METAP1: variants seen among roughly 807,000 people sequenced by gnomAD.
The protein encoded by METAP1 is methionyl aminopeptidase 1, also known as methionine aminopeptidase 1.
METAP1 carries 28 observed loss-of-function variants against 53.8 expected under a neutral mutation model. The ratio of observed to expected loss-of-function variants is 0.52; its 90% CI spans 0.39 to 0.71. The LOEUF is 0.71. METAP1 is among the 30% of genes least tolerant of loss of function. The probability of loss-of-function intolerance (pLI) is 0.00; values close to 1 mark genes in which losing one functional copy is unlikely to be tolerated. For synonymous variants in METAP1, 181 were observed against 165.7 expected (o/e 1.09, Z -0.71); for missense variants, 389 against 479.8 (o/e 0.81, Z 1.77).
chr4:98,996,606 G>C (rs549263281), intron 1 of METAP1, among the ~76,000 whole-genome samples: 1 of 152,336 alleles, frequency 6.6e-6, no homozygotes, highest in South Asian at 2.1e-4. Context: ...GAGTGAAAAG[G>C]ACAGTTCCAT....
At chr4:99,043,466 T>C in intron 7 of METAP1, 79 bp downstream of exon 7, 8 of 1,419,978 alleles carry the variant, frequency 5.6e-6, no homozygotes, top group Non-Finnish European at 7.6e-6. Flanking sequence ...ACTTGTGTTT[T>C]CTTGACTTGC....
rs1727579472 is a variant in METAP1 at position 99,062,118 on chromosome 4, A to G, written c.*801A>G. The G allele has an allele frequency of 6.6e-6, 1 of 152,256 alleles. No individual in the cohort carries two copies. Among genetic ancestry groups the G allele is most frequent in the South Asian group, 2.1e-4 (1 of 4,832 alleles). 9.4% of individuals were successfully genotyped at this position (152,256 alleles called of 1,614,324 possible). ...TGCTATTTCAGACCTCTGTTTGGTC[A>G]GAAATGGAAAAGAAAAAGCCCCCTT... On this transcript the variant is annotated 3_prime_UTR_variant, in exon 11 of 11. Transcript: ENST00000296411.
chr4:99,014,620 G>A (rs1723650349), intron 1 of METAP1, among the ~76,000 whole-genome samples: 1 of 152,146 alleles, frequency 6.6e-6, no homozygotes, highest in Admixed American at 6.5e-5. Flanking sequence ...GTGGATATGA[G>A]GATCAAAGGA....
chr4:99,039,199 C>T, intron 4 of METAP1, 175 bp from the exon 5 acceptor site: 1 of 444,910 alleles, frequency 2.2e-6, no homozygotes, highest in East Asian at 3.6e-5. Context: ...GCGAGTTTCC[C>T]TTTGATGTTG....
intron 4 of METAP1, among the ~76,000 whole-genome samples, chr4:99,038,773 G>A (rs938409339): frequency 2.6e-5 from 4 of 151,986 alleles, no homozygotes; most frequent in African/African-American, 4.8e-5. Context: ...CTTTTATAAC[G>A]TGATCTTTGT....
chr4:99,049,047 T>G (rs1303874635), intron 9 of METAP1, among the ~76,000 whole-genome samples, 171 bp downstream of exon 9: 2 of 152,232 alleles, frequency 1.3e-5, no homozygotes, highest in Admixed American at 1.3e-4. Context: ...CGTATCTTAC[T>G]CACATAATAG....
chr4:99,062,553 A>G lies in METAP1; in HGVS notation c.*1236A>G, dbSNP rs552708405. On this transcript the variant is annotated 3_prime_UTR_variant, in exon 11 of 11. Transcript: ENST00000296411. ...CTGGGCATCCTTGTAATATAATTTC[A>G]TACCACTGACACATTATACTTGTAA... 4.4e-4 allele frequency: 67 copies of G among 152,782 alleles called. No homozygotes were observed. Among genetic ancestry groups the G allele is most frequent in the African/African-American group, 1.5e-3 (63 of 41,584 alleles). The allele number at this position is 152,782 out of a possible 1,614,324, so 9.5% of individuals were successfully genotyped here. A position where few individuals can be genotyped will look rare whatever the true frequency, so the allele number is the denominator to read the frequency against.
At chr4:99,034,136 T>G in intron 2 of METAP1, 94 bp from the exon 3 acceptor site, 1 of 761,096 alleles carries the variant, frequency 1.3e-6, no homozygotes, top group Non-Finnish European at 2.2e-6. Flanking sequence ...ACAAGAGATA[T>G]TCAAAGTATG....
intron 9 of METAP1, among the ~76,000 whole-genome samples, chr4:99,057,447 C>A (rs1328049172): frequency 6.6e-6 from 1 of 152,156 alleles, no homozygotes; most frequent in Admixed American, 6.5e-5. Context: ...AGGCACTTTT[C>A]TTTTATTCTT....
intron 1 of METAP1, chr4:99,023,622 A>G: frequency 1.0e-6 from 1 of 985,434 alleles, no homozygotes. Flanking sequence ...TATGAAAACC[A>G]TTTAATGTTA....
intron 1 of METAP1, chr4:99,023,671 G>T (rs1724315603): frequency 1.0e-6 from 1 of 985,302 alleles, no homozygotes; most frequent in African/African-American, 1.7e-5. Context: ...GAATAGGAAA[G>T]AATTTGAGAG....
chr4:99,046,936 C>CAAAAAAAAAAAAAAAAAAAAAAAAAAAAA (rs56702946), intron 8 of METAP1, among the ~76,000 whole-genome samples: 1 of 82,208 alleles, frequency 1.2e-5, no homozygotes, highest in African/African-American at 3.7e-5. Flanking sequence ...ACTGAAGAAA[C>CAAAAAAAAAAAAAAAAAAAAAAAAAAAAA]AAAAAAAAAA....
chr4:99,006,094 CTT>C (rs752353959), intron 1 of METAP1, among the ~76,000 whole-genome samples: 23 of 152,150 alleles, frequency 1.5e-4, no homozygotes, highest in Non-Finnish European at 1.0e-4. Flanking sequence ...TGTTAACAGA[CTT>C]TTTATTTTTG....
rs533823449 is a variant in METAP1 at position 99,045,376 on chromosome 4, C to G, written c.787+66C>G. 36 of 1,575,036 alleles carry G rather than the reference C, an allele frequency of 2.3e-5. No individual in the cohort carries two copies. In the African/African-American group the frequency reaches 2.8e-4, roughly 12 times the overall value. On this transcript the variant is annotated intron_variant, in intron 8 of 10. Coordinates refer to ENST00000296411, the MANE Select transcript of METAP1 (RefSeq NM_015143.3). ...TTGATGGGCCAAGAATGACTGGGCGCTGCAGTTCTGTGCATTCCTTGTACC... is the reference window on the plus strand; with the variant it reads ...TTGATGGGCCAAGAATGACTGGGCGGTGCAGTTCTGTGCATTCCTTGTACC...
chr4:99,023,865 T>C (rs1724328576), intron 1 of METAP1: 2 of 815,690 alleles, frequency 2.5e-6, no homozygotes. Flanking sequence ...GGAATTGCAG[T>C]AGAGAAAGAG....
In METAP1 at chr4:99,059,756, G is replaced by GT. The variant is rs1450778265; in HGVS notation, c.998-1394dup. Among the ~76,000 whole-genome samples the GT allele has an allele frequency of 1.3e-5, 2 of 151,760 alleles. 1 individual carries two copies. The highest frequency in any genetic ancestry group is 4.8e-5 in the African/African-American group (2 of 41,270). On this transcript the variant is annotated intron_variant, in intron 10 of 10. Transcript: ENST00000296411. ...CACCCCCTTTCCCTCCTTTCTCTGA[G>GT]TTTTCTTTCATGGCCTCCCAGATTC...
chr4:99,029,321 C>T (rs1054325306), intron 2 of METAP1, among the ~76,000 whole-genome samples: 2 of 152,160 alleles, frequency 1.3e-5, no homozygotes, highest in African/African-American at 4.8e-5. Context: ...GCTTTTTCTA[C>T]TCAAAACTAT....
rs556285063 is a variant in METAP1, at chr4:99,060,609, C to T, written c.998-545C>T. On this transcript the variant is annotated intron_variant, in intron 10 of 10. Coordinates refer to ENST00000296411, the MANE Select transcript of METAP1 (RefSeq NM_015143.3). ...CAATCTCCTGACCTTGTGATCTGCCCGCCTCGGCCTCCCAAAGTGCTGGGA... is the reference window on the plus strand; with the variant it reads ...CAATCTCCTGACCTTGTGATCTGCCTGCCTCGGCCTCCCAAAGTGCTGGGA... Among the ~76,000 whole-genome samples the T allele has an allele frequency of 9.9e-5, 15 of 152,110 alleles. No individual in the cohort carries two copies. In the East Asian group the frequency reaches 1.5e-3, roughly 16 times the overall value.
Position 99,036,274 on chromosome 4 carries a change from T to TG in METAP1, c.340+815dup, listed in dbSNP as rs1274403728. On this transcript the variant is annotated intron_variant, in intron 4 of 10. Transcript: ENST00000296411. Reference sequence around the variant, plus strand: ...GGAACTGTATTACATAACATTCTTATGAATATCATTTTTAAATTTTAGTTA... The same window carrying TG: ...GGAACTGTATTACATAACATTCTTATGGAATATCATTTTTAAATTTTAGTTA... Among the ~76,000 whole-genome samples, 5 of 152,154 alleles carry TG rather than the reference T, an allele frequency of 3.3e-5. No individual in the cohort carries two copies. The East Asian group carries it at 7.7e-4, about 23-fold the overall frequency.
Sources: gnomAD v4.1 joint callset for allele counts (sites outside exome capture counted in the v4.1 genomes callset) on GRCh38, gnomAD v4.1.1 for gene constraint, MANE v1.5 for transcripts, NCBI Gene and HGNC (gene_info 2026-07-23, HGNC 2026-07-21) for gene names.